The following ANKS1B variants were observed in gnomAD, a reference collection of about 807,000 sequenced individuals.
The protein encoded by ANKS1B is ankyrin repeat and sterile alpha motif domain-containing protein 1B.
ANKS1B carries 36 observed loss-of-function variants against 148.3 expected under a neutral mutation model. The observed-to-expected ratio is 0.24, with a 90% CI of 0.19 to 0.32. The LOEUF is 0.32. ANKS1B is among the 10% of genes least tolerant of loss of function. The pLI, the probability that ANKS1B is intolerant of heterozygous loss-of-function variation, is 1.00. For synonymous variants in ANKS1B, 542 were observed against 560.8 expected (o/e 0.97, Z 0.47); for missense variants, 1,157 against 1,542.6 (o/e 0.75, Z 4.19).
chr12:99,174,769 T>G (rs1178375365), intron 14 of ANKS1B, among the ~76,000 whole-genome samples: 1 of 152,178 alleles, frequency 6.6e-6, no homozygotes, highest in Non-Finnish European at 1.5e-5. Flanking sequence ...GATATGCCCC[T>G]TTATATTTTA....
chr12:99,876,940 C>T (rs1278437079), intron 1 of ANKS1B, among the ~76,000 whole-genome samples: 1 of 152,136 alleles, frequency 6.6e-6, no homozygotes, highest in East Asian at 1.9e-4. Context: ...GGTTACACTA[C>T]CATCAAGGTT....
intron 4 of ANKS1B, among the ~76,000 whole-genome samples, chr12:99,799,578 G>A: frequency 6.6e-6 from 1 of 152,136 alleles, no homozygotes; most frequent in East Asian, 1.9e-4. Context: ...AGCATGGCAT[G>A]AGAAGTCAGG....
chr12:99,753,660 G>A (rs535215718), intron 8 of ANKS1B, among the ~76,000 whole-genome samples: 1 of 151,874 alleles, frequency 6.6e-6, no homozygotes, highest in Non-Finnish European at 1.5e-5. Flanking sequence ...TTGCCTATGA[G>A]GACAGAGTCA....
chr12:98,794,799 C>T, intron 22 of ANKS1B: 1 of 1,502,936 alleles, frequency 6.7e-7, no homozygotes, highest in Non-Finnish European at 9.2e-7. Context: ...AAACACGAAG[C>T]TTAATGAACA....
chr12:98,829,325 TGAG>T lies in ANKS1B; in HGVS notation c.2912_2914del (p.Pro971del), dbSNP rs910408285. On this transcript the variant is annotated inframe_deletion, in exon 19 of 27. Coordinates refer to ENST00000683438, the MANE Select transcript of ANKS1B (RefSeq NM_001352186.2). The surrounding 1 kb of genome is among the most constrained non-coding windows in gnomAD (Gnocchi z 5.2). ...GCTTTGGCTAAGTGATGGAGACAAC[TGAG>T]GAGGAGTGTGATTACCACTGGGTTC... 6 of 1,613,808 alleles carry T rather than the reference TGAG, an allele frequency of 3.7e-6. No homozygotes were observed. In the African/African-American group the frequency reaches 6.7e-5, roughly 18 times the overall value.
At chr12:99,816,798 G>A (rs1203231414) in intron 2 of ANKS1B, among the ~76,000 whole-genome samples, 1 of 151,340 alleles carries the variant, frequency 6.6e-6, no homozygotes, top group East Asian at 1.9e-4. Context: ...AACTAAATAG[G>A]CCATTTTCAT....
At chr12:99,160,267 G>T (rs2076512847) in intron 14 of ANKS1B, among the ~76,000 whole-genome samples, 1 of 151,604 alleles carries the variant, frequency 6.6e-6, no homozygotes, top group Non-Finnish European at 1.5e-5. Context: ...TGTTGCAATT[G>T]CTTTTGAGGA....
chr12:99,612,395 C>T (rs2097910410), intron 9 of ANKS1B, among the ~76,000 whole-genome samples: 1 of 152,112 alleles, frequency 6.6e-6, no homozygotes, highest in African/African-American at 2.4e-5. Flanking sequence ...TCACTCATTT[C>T]ATTATCATAA....
intron 9 of ANKS1B, among the ~76,000 whole-genome samples, chr12:99,641,806 T>C (rs1026721385): frequency 1.1e-4 from 16 of 152,160 alleles, no homozygotes; most frequent in Non-Finnish European, 2.4e-4. Flanking sequence ...TAAAAAATAT[T>C]GAACAGTAGA....
chr12:99,443,654 T>C lies in ANKS1B; in HGVS notation c.1575+19A>G, dbSNP rs1398255693. 6.2e-7 allele frequency: 1 copy of C among 1,610,378 alleles called. No individual in the cohort carries two copies. The highest frequency in any genetic ancestry group is 1.1e-5 in the South Asian group (1 of 90,848). On this transcript the variant is annotated intron_variant, in intron 11 of 26. Transcript: ENST00000683438. ...TCAAAACACATTAGAGGGAAAATGA[T>C]GCCATTCTGGGCACTTACCTGGGGT... is the stretch of plus-strand genomic sequence containing the variant.
intron 17 of ANKS1B, among the ~76,000 whole-genome samples, chr12:98,935,755 C>A: frequency 6.6e-6 from 1 of 152,138 alleles, no homozygotes; most frequent in Admixed American, 6.5e-5. Flanking sequence ...AGAGAGGAGA[C>A]TTTGGACAAA....
At chr12:99,102,206 C>T (rs1014561069) in intron 15 of ANKS1B, among the ~76,000 whole-genome samples, 3 of 151,916 alleles carry the variant, frequency 2.0e-5, no homozygotes. Context: ...TGGAAAAGGC[C>T]CTTTGGTTTG....
chr12:99,758,799 G>A (rs1045857475), intron 8 of ANKS1B, among the ~76,000 whole-genome samples: 1 of 151,832 alleles, frequency 6.6e-6, no homozygotes, highest in African/African-American at 2.4e-5. Context: ...ACTCTTTAAT[G>A]TAAGTTAGTG....
intron 25 of ANKS1B, among the ~76,000 whole-genome samples, chr12:98,752,071 T>C (rs1413118244): frequency 6.6e-6 from 1 of 152,206 alleles, no homozygotes; most frequent in Non-Finnish European, 1.5e-5. Context: ...TTGTCTCTTA[T>C]CTACCTATGG....
intron 17 of ANKS1B, among the ~76,000 whole-genome samples, chr12:98,853,733 T>C (rs1043411724): frequency 4.6e-5 from 7 of 152,228 alleles, no homozygotes; most frequent in Non-Finnish European, 1.0e-4. Flanking sequence ...CATTTGCTTG[T>C]TTGGTTATCT....
At chr12:99,444,985 C>A (rs2095613485) in intron 10 of ANKS1B, among the ~76,000 whole-genome samples, 3 of 151,938 alleles carry the variant, frequency 2.0e-5, no homozygotes, top group African/African-American at 7.3e-5. Flanking sequence ...ACTGAGGAAT[C>A]CAGACAAAGG....
At chr12:99,895,844 G>A (rs2093363270) in intron 1 of ANKS1B, among the ~76,000 whole-genome samples, 1 of 151,256 alleles carries the variant, frequency 6.6e-6, no homozygotes, top group South Asian at 2.1e-4. Context: ...AAAGAAACAA[G>A]AGCAGGCAGG....
At chr12:99,940,436 G>C (rs2094890928) in intron 1 of ANKS1B, among the ~76,000 whole-genome samples, 1 of 152,000 alleles carries the variant, frequency 6.6e-6, no homozygotes, top group African/African-American at 2.4e-5. Flanking sequence ...GGTTTCAGGG[G>C]GAAAAAAACT....
rs565481990 is a variant in ANKS1B, at chr12:98,781,546, A to T, written c.3355-343T>A. 1.4e-5 allele frequency: 6 copies of T among 426,464 alleles called. No homozygotes were observed. In the East Asian group the frequency reaches 3.7e-4, roughly 26 times the overall value. The allele number at this position is 426,464 out of a possible 1,614,324, so 26.4% of individuals were successfully genotyped here. On this transcript the variant is annotated intron_variant, in intron 23 of 26. Transcript: ENST00000683438. ...GAGGTCTGTCTCCTACTGCAATTTC[A>T]AGTGACTGTTCCTTTCACAAGAGTT...
Sources: allele counts gnomAD v4.1 joint callset (sites outside exome capture counted in the v4.1 genomes callset), GRCh38; gene constraint gnomAD v4.1.1; non-coding constraint Gnocchi (gnomAD v3.1); transcripts MANE v1.5; gene names NCBI Gene and HGNC (gene_info 2026-07-23, HGNC 2026-07-21).